Variants in RUNX1 observed in about 807,000 individuals in gnomAD.
The protein encoded by RUNX1 is runt-related transcription factor 1.
RUNX1 carries 19 observed loss-of-function variants against 42.8 expected under a neutral mutation model. The observed-to-expected ratio is 0.44, with a 90% CI of 0.31 to 0.65. The LOEUF (loss-of-function observed/expected upper bound fraction) is 0.65, where lower values mean the gene tolerates loss of function less well. RUNX1 is among the 30% of genes least tolerant of loss of function. The pLI is 0.07. For missense variants in RUNX1, 528 were observed against 672.0 expected, an observed-to-expected ratio of 0.79 and a Z score of 2.37; for synonymous variants, 271 against 289.4, an observed-to-expected ratio of 0.94 and a Z score of 0.64.
intron 2 of RUNX1, among the ~76,000 whole-genome samples, chr21:35,022,760 T>C (rs2059207960): frequency 6.6e-6 from 1 of 151,864 alleles, no homozygotes; most frequent in Non-Finnish European, 1.5e-5. Context: ...TGGGGTGTGG[T>C]GGCGGGTGCC....
intron 2 of RUNX1, among the ~76,000 whole-genome samples, chr21:34,909,225 G>C (rs895888579): frequency 1.3e-5 from 2 of 152,046 alleles, no homozygotes; most frequent in Non-Finnish European, 2.9e-5. Flanking sequence ...GCTCCTGACA[G>C]TACACCCGAC....
At chr21:34,889,961 C>T (rs1199620676) in intron 3 of RUNX1, 1 of 611,668 alleles carries the variant, frequency 1.6e-6, no homozygotes, top group South Asian at 7.2e-5. Context: ...TTGTGGTCCC[C>T]GCGGAGCCCC....
intron 2 of RUNX1, among the ~76,000 whole-genome samples, chr21:34,989,436 A>G (rs1601641675): frequency 6.6e-6 from 1 of 152,082 alleles, no homozygotes; most frequent in Non-Finnish European, 1.5e-5. Context: ...AGGTTACCTA[A>G]GCTTGAAGTC....
intron 2 of RUNX1, among the ~76,000 whole-genome samples, chr21:35,013,216 A>T (rs139697179): frequency 7.2e-5 from 11 of 152,348 alleles, no homozygotes; most frequent in African/African-American, 1.2e-4. Flanking sequence ...ATAACATTAT[A>T]TTGGGGGTCT....
chr21:34,848,333 G>C (rs1185308424), intron 6 of RUNX1, among the ~76,000 whole-genome samples: 2 of 152,190 alleles, frequency 1.3e-5, no homozygotes, highest in Non-Finnish European at 2.9e-5. Context: ...TAGCAAGAGA[G>C]GTATCATGCA....
intron 2 of RUNX1, among the ~76,000 whole-genome samples, chr21:34,927,783 AC>A (rs1445509194): frequency 1.3e-5 from 2 of 152,214 alleles, no homozygotes; most frequent in Non-Finnish European, 2.9e-5. Context: ...CTTTGGGGAC[AC>A]AAATCAAACT....
intron 2 of RUNX1, among the ~76,000 whole-genome samples, chr21:34,937,241 A>G (rs2058492617): frequency 1.4e-5 from 2 of 146,348 alleles, no homozygotes; most frequent in Middle Eastern, 3.7e-3. Flanking sequence ...AATTATTATT[A>G]TTATTGTTAT....
At chr21:35,021,333 C>T (rs1018226603) in intron 2 of RUNX1, among the ~76,000 whole-genome samples, 2 of 152,206 alleles carry the variant, frequency 1.3e-5, no homozygotes, top group Admixed American at 6.5e-5. Flanking sequence ...CGAGCGAGCA[C>T]TGTCTAAGTG....
chr21:34,805,920 G>A (rs1303699474), intron 7 of RUNX1, among the ~76,000 whole-genome samples: 1 of 152,190 alleles, frequency 6.6e-6, no homozygotes, highest in Non-Finnish European at 1.5e-5. Flanking sequence ...TTTGATGCTA[G>A]ATGTAGATTA....
rs2146075026 is a variant in RUNX1 at position 34,834,454 on chromosome 21, T to C, written c.761A>G (p.Asn254Ser). Residue 254 changes from asparagine (N) to serine (S), a missense_variant, in exon 7 of 9, where the codon AAC becomes AGC. By Grantham distance (46) the Asn-to-Ser change is conservative (BLOSUM62 1). Around this residue, in one of 3 missense-constraint regions of RUNX1, gnomAD observed 331 missense variants for 382.5 expected, o/e 0.87. Transcript: ENST00000675419. ...APTPNPRASL[N>S]HSTAFNPQPQ... is the part of the protein sequence containing the mutation. ...CTGAGGGTTAAAGGCAGTGGAGTGGTTCAGGGAGGCACGAGGGTTGGGCGT... is the reference window on the plus strand; with the variant it reads ...CTGAGGGTTAAAGGCAGTGGAGTGGCTCAGGGAGGCACGAGGGTTGGGCGT... The C allele has an allele frequency of 6.2e-7, 1 of 1,612,172 alleles. No individual in the cohort carries two copies. Among genetic ancestry groups the C allele is most frequent in the Non-Finnish European group, 8.5e-7 (1 of 1,178,634 alleles).
At chr21:35,016,098 T>C (rs960915375) in intron 2 of RUNX1, among the ~76,000 whole-genome samples, 7 of 152,200 alleles carry the variant, frequency 4.6e-5, no homozygotes, top group African/African-American at 1.4e-4. Context: ...AGTCCATCAA[T>C]GGGAAAGAGA....
At chr21:34,913,750 G>T (rs1447450545) in intron 2 of RUNX1, among the ~76,000 whole-genome samples, 1 of 152,040 alleles carries the variant, frequency 6.6e-6, no homozygotes, top group Non-Finnish European at 1.5e-5. Flanking sequence ...ATTTTCTGAC[G>T]TATCAGTTAA....
intron 2 of RUNX1, among the ~76,000 whole-genome samples, chr21:35,001,118 C>T (rs1166707486): frequency 6.6e-6 from 1 of 152,262 alleles, no homozygotes; most frequent in East Asian, 1.9e-4. Flanking sequence ...GGTTTTACCT[C>T]CAAAACAGTC....
At chr21:34,982,703 G>A (rs1315728183) in intron 2 of RUNX1, among the ~76,000 whole-genome samples, 1 of 152,100 alleles carries the variant, frequency 6.6e-6, no homozygotes, top group Non-Finnish European at 1.5e-5. Flanking sequence ...CTGAGTAGCT[G>A]GGATTACAGG....
intron 2 of RUNX1, among the ~76,000 whole-genome samples, chr21:35,013,400 A>C (rs990295704): frequency 1.3e-5 from 2 of 152,242 alleles, no homozygotes; most frequent in Non-Finnish European, 1.5e-5. Context: ...GAGTTTATTC[A>C]TTATTTGCTT....
At chr21:34,966,947 C>T (rs940705163) in intron 2 of RUNX1, among the ~76,000 whole-genome samples, 1 of 151,800 alleles carries the variant, frequency 6.6e-6, no homozygotes, top group South Asian at 2.1e-4. Context: ...AGAGTAAGGG[C>T]ATATTTAAAA....
intron 7 of RUNX1, among the ~76,000 whole-genome samples, chr21:34,829,563 C>T (rs1017121324): frequency 2.0e-5 from 3 of 152,138 alleles, no homozygotes; most frequent in Admixed American, 1.3e-4. Flanking sequence ...CCTACTACAC[C>T]TTGTTAAAAG....
At chr21:34,854,674 C>A (rs924059367) in intron 6 of RUNX1, among the ~76,000 whole-genome samples, 1 of 152,170 alleles carries the variant, frequency 6.6e-6, no homozygotes, top group Non-Finnish European at 1.5e-5. Context: ...CCAGATGTCA[C>A]CTGATGTATG....
At chr21:34,881,191 A>C (rs1373435440) in intron 4 of RUNX1, among the ~76,000 whole-genome samples, 3 of 152,222 alleles carry the variant, frequency 2.0e-5, no homozygotes, top group African/African-American at 4.8e-5. Context: ...TGTGTTTGTA[A>C]GTTTATAATC....
Sources: allele counts gnomAD v4.1 joint callset (sites outside exome capture counted in the v4.1 genomes callset), GRCh38; gene constraint gnomAD v4.1.1; regional missense constraint gnomAD v4.1.1; transcripts MANE v1.5; gene names NCBI Gene and HGNC (gene_info 2026-07-23, HGNC 2026-07-21).